The following AGRN variants were observed in gnomAD, a reference collection of about 807,000 sequenced individuals.
AGRN encodes agrin.
A neutral mutation model predicts 211.0 loss-of-function variants in AGRN; 106 were observed. The ratio of observed to expected loss-of-function variants is 0.50; its 90% CI spans 0.43 to 0.59. The LOEUF (loss-of-function observed/expected upper bound fraction) is 0.59, where lower values mean the gene tolerates loss of function less well. Among genes scored for constraint, AGRN ranks in the 20% least tolerant of loss-of-function variants. AGRN has a pLI of 0.00. For synonymous variants in AGRN, 1,525 were observed against 1,332.5 expected (o/e 1.14, Z -3.15); for missense variants, 3,040 against 2,982.6 (o/e 1.02, Z -0.45).
intron 32 of AGRN, 26 bp downstream of exon 32, chr1:1,051,671 G>A (rs369070661): frequency 3.3e-5 from 53 of 1,612,784 alleles, no homozygotes; most frequent in African/African-American, 2.1e-4. Flanking sequence ...GGCAGGGGGC[G>A]GAGGCCGGAT....
rs952115362 is a variant in AGRN, at chr1:1,026,625, C to T, written c.463+4163C>T. Among the ~76,000 whole-genome samples the T allele has an allele frequency of 9.9e-5, 15 of 152,208 alleles. No individual in the cohort carries two copies. In the South Asian group the frequency reaches 2.1e-3, roughly 21 times the overall value. ...ACCAGCGGCCTGGGTGGGGCAGGAA[C>T]GGACCCCCTCCCTGCAGTCCTGGTT... On this transcript the variant is annotated intron_variant, in intron 2 of 35. Coordinates refer to ENST00000379370, the MANE Select transcript of AGRN (RefSeq NM_198576.4).
rs2100677123 is a variant in AGRN, at chr1:1,049,505, T to C, written c.4514+54T>C. ...CGACCCCGGCCCTTTGGGGTCCCGG[T>C]GTACGAGGTGGCTTTGCCTGTGGCC... On this transcript the variant is annotated intron_variant, in intron 25 of 35. Coordinates refer to ENST00000379370, the MANE Select transcript of AGRN (RefSeq NM_198576.4). 3.1e-6 allele frequency: 5 copies of C among 1,596,208 alleles called. No homozygotes were observed. In the South Asian group the frequency reaches 5.6e-5, roughly 18 times the overall value.
In AGRN at chr1:1,043,977, C is replaced by G; in HGVS notation, c.1953C>G (p.Leu651=). 6.2e-7 allele frequency: 1 copy of G among 1,606,740 alleles called. No homozygotes were observed. The highest frequency in any genetic ancestry group is 8.5e-7 in the Non-Finnish European group (1 of 1,179,014). Residue 651 remains leucine, a synonymous_variant, in exon 10 of 36, where the codon CTC becomes CTG. Transcript: ENST00000379370. ...SACELREAAC[L]QQTQIEEARA... ...GCGAGCTACGGGAAGCCGCCTGCCT[C>G]CAGCAGACACAGATCGAGGAGGCCC...
In AGRN at chr1:1,048,089, T is replaced by C. The variant is rs1345906902; in HGVS notation, c.3829T>C (p.Ser1277Pro). ...AGATARATTA[S>P]RLPSSAVTPR... The stretch of plus-strand genomic sequence containing the variant: ...AGCCACGGCCAGAGCCACCACTGCA[T>C]CGCGCCTGCCGTCCTCTGCTGTGAC... The change falls in exon 23 of 36, where the codon TCG (serine) becomes CCG (proline). Residue 1277 changes from serine (S) to proline (P), a missense_variant. This residue lies in a region of AGRN where 1,537 missense variants were observed against 1,505.0 expected (regional missense o/e 1.02). Transcript: ENST00000379370. This position sits in a 1 kb window ranked among gnomAD's most constrained non-coding sequence, Gnocchi z 5.9. 1 of 1,576,124 alleles carries C rather than the reference T, an allele frequency of 6.3e-7. No homozygotes were observed. The highest frequency in any genetic ancestry group is 1.1e-5 in the South Asian group (1 of 87,232).
rs79016973 is a variant in AGRN, at chr1:1,043,594, G to A, written c.1660G>A (p.Val554Met). The A allele has an allele frequency of 6.1e-3, 9,721 of 1,605,018 alleles. 65 individuals are homozygous for A. Among genetic ancestry groups the A allele is most frequent in the East Asian group, 0.03 (1,325 of 44,872 alleles). ...ALCEAETGRC[V>M]CPSECVALAQ... ...GTGCGAGGCCGAGACCGGGCGCTGC[G>A]TGTGCCCCTCTGAATGCGTGGCTTT... The change falls in exon 9 of 36, where the codon GTG (valine) becomes ATG (methionine). Residue 554 changes from valine (V) to methionine (M), a missense_variant. By Grantham distance (21) the Val-to-Met change is conservative. This residue lies in a region of AGRN where 1,498 missense variants were observed against 1,457.8 expected (regional missense o/e 1.03). Coordinates refer to ENST00000379370, the MANE Select transcript of AGRN (RefSeq NM_198576.4).
rs1220497232 is a variant in AGRN at position 1,054,996 on chromosome 1, C to A, written c.*15C>A. 1 of 1,547,850 alleles carries A rather than the reference C, an allele frequency of 6.5e-7. No individual in the cohort carries two copies. The highest frequency in any genetic ancestry group is 1.2e-5 in the South Asian group (1 of 84,034). On this transcript the variant is annotated 3_prime_UTR_variant, in exon 36 of 36. Transcript: ENST00000379370. Reference sequence around the variant, plus strand: ...CCACCCCATGAGCTGGCACCAGAGCCCCGCGCCCGCTGTAATTATTTTCTA... The same window carrying A: ...CCACCCCATGAGCTGGCACCAGAGCACCGCGCCCGCTGTAATTATTTTCTA...
At position 1,046,487 on chromosome 1, in the gene AGRN, C is replaced by A. The variant is rs1461219611; in HGVS notation, c.3002C>A (p.Pro1001His). Residue 1001 changes from proline to histidine, a missense_variant, in exon 18 of 36, where the codon CCC becomes CAC. Coordinates refer to ENST00000379370, the MANE Select transcript of AGRN (RefSeq NM_198576.4). Reference sequence around the variant, plus strand: ...CTGAGCCAGGCACTGCCGGCCCCCCCCGGCGCCCTCCCCCTGGCTCCCAGC... The same window carrying A: ...CTGAGCCAGGCACTGCCGGCCCCCCACGGCGCCCTCCCCCTGGCTCCCAGC... The part of the protein sequence containing the change: ...LLLSQALPAP[P>H]GALPLAPSST... 6.2e-7 allele frequency: 1 copy of A among 1,610,790 alleles called. No individual in the cohort carries two copies. The highest frequency in any genetic ancestry group is 1.7e-5 in the Admixed American group (1 of 59,884).
chr1:1,050,058 G>A lies in AGRN; in HGVS notation c.4879+21G>A, dbSNP rs555243510. 3.6e-4 allele frequency: 536 copies of A among 1,481,830 alleles called. 3 individuals are homozygous for A. The South Asian group carries it at 5.8e-3, about 16-fold the overall frequency. 91.8% of individuals were successfully genotyped at this position (1,481,830 alleles called of 1,614,324 possible). A position where few individuals can be genotyped will look rare whatever the true frequency, so the allele number is the denominator to read the frequency against. Reference sequence around the variant, plus strand: ...GACAGGTCGGGGGCGTGGGGCTCTCGGGGCAGGGGGGGGGGGGGGGTTGAA... The same window carrying A: ...GACAGGTCGGGGGCGTGGGGCTCTCAGGGCAGGGGGGGGGGGGGGGTTGAA... On this transcript the variant is annotated intron_variant, in intron 27 of 35. Transcript: ENST00000379370.
chr1:1,051,173 G>A, intron 30 of AGRN, 80 bp from the exon 31 acceptor site: 2 of 1,511,526 alleles, frequency 1.3e-6, no homozygotes, highest in South Asian at 1.2e-5. Flanking sequence ...GGCGGGTGGG[G>A]CGGGTGCGTG....
At chr1:1,035,095 T>C (rs948055891) in intron 2 of AGRN, 182 bp from the exon 3 acceptor site, 1 of 709,218 alleles carries the variant, frequency 1.4e-6, no homozygotes, top group Non-Finnish European at 2.4e-6. Context: ...AGCAGGGGCC[T>C]CTGTCTCAGA....
chr1:1,051,061 T>G lies in AGRN; in HGVS notation c.5254-192T>G, dbSNP rs1382040123. On this transcript the variant is annotated intron_variant, in intron 30 of 35. Transcript: ENST00000379370. Reference sequence around the variant, plus strand: ...CCCGCAAGGTACTGTCGGCCTCTCATCCGCTCACCGTCTCTGGCGCCTCAA... The same window carrying G: ...CCCGCAAGGTACTGTCGGCCTCTCAGCCGCTCACCGTCTCTGGCGCCTCAA... 2.6e-6 allele frequency: 4 copies of G among 1,548,560 alleles called. No homozygotes were observed. The Admixed American group carries it at 7.8e-5, about 30-fold the overall frequency.
At chr1:1,040,368 CAG>C (rs1288792062) in intron 3 of AGRN, among the ~76,000 whole-genome samples, 7 of 152,304 alleles carry the variant, frequency 4.6e-5, no homozygotes, top group African/African-American at 1.4e-4. Flanking sequence ...GTCGCAGAAA[CAG>C]AGTCGGGTGC....
In AGRN at chr1:1,051,298, G is replaced by A. The variant is rs1426112549; in HGVS notation, c.5299G>A (p.Gly1767Ser). The A allele has an allele frequency of 2.5e-6, 4 of 1,573,726 alleles. No individual in the cohort carries two copies. The highest frequency in any genetic ancestry group is 2.7e-5 in the African/African-American group (2 of 74,316). The change falls in exon 31 of 36, where the codon GGC (glycine) becomes AGC (serine). Residue 1767 changes from glycine (G) to serine (S), a missense_variant. This residue lies in a region of AGRN where 1,537 missense variants were observed against 1,505.0 expected (regional missense o/e 1.02). Transcript: ENST00000379370. The stretch of plus-strand genomic sequence containing the variant: ...CCTGAAGGAGCCGCTCTACGTAGGG[G>A]GCGCTCCCGACTTCAGCAAGCTGGC... ...LNLKEPLYVGGAPDFSKLARA... is the reference protein window; with the variant it reads ...LNLKEPLYVGSAPDFSKLARA...
Position 1,053,775 on chromosome 1 carries a change from C to T in AGRN, c.5674C>T (p.His1892Tyr), listed in dbSNP as rs201518881. 81 of 1,608,360 alleles carry T rather than the reference C, an allele frequency of 5.0e-5. No homozygotes were observed. The highest frequency in any genetic ancestry group is 3.2e-5 in the Non-Finnish European group (38 of 1,178,232). The change falls in exon 34 of 36, where the codon CAC (histidine) becomes TAC (tyrosine). Residue 1892 changes from histidine (H) to tyrosine (Y), a missense_variant. His to Tyr is a moderately conservative substitution (Grantham distance 83, BLOSUM62 2). Around this residue, in one of 3 missense-constraint regions of AGRN, gnomAD observed 1,537 missense variants for 1,505.0 expected, o/e 1.02. Coordinates refer to ENST00000379370, the MANE Select transcript of AGRN (RefSeq NM_198576.4). ...CAGCGAGAAGGCACTGCAGAGCAACCACTTTGAACTGAGCCTGCGCACTGA... is the reference window on the plus strand; with the variant it reads ...CAGCGAGAAGGCACTGCAGAGCAACTACTTTGAACTGAGCCTGCGCACTGA... ...TESEKALQSN[H>Y]FELSLRTEAT...
At chr1:1,027,832 C>T (rs1644552480) in intron 2 of AGRN, among the ~76,000 whole-genome samples, 1 of 152,184 alleles carries the variant, frequency 6.6e-6, no homozygotes, top group African/African-American at 2.4e-5. Flanking sequence ...CCCTGCCCCG[C>T]CGTTTGGCAG....
In AGRN at chr1:1,043,533, C is replaced by A; in HGVS notation, c.1604-5C>A. ...GGTCGCCTGGTGATGGAAGCTCCTCCCCAGACCGCTGCGGGCAGTGCCGCT... is the reference window on the plus strand; with the variant it reads ...GGTCGCCTGGTGATGGAAGCTCCTCACCAGACCGCTGCGGGCAGTGCCGCT... On this transcript the variant is annotated splice_polypyrimidine_tract_variant and splice_region_variant and intron_variant, in intron 8 of 35. Transcript: ENST00000379370. 1 of 1,603,438 alleles carries A rather than the reference C, an allele frequency of 6.2e-7. No homozygotes were observed. The highest frequency in any genetic ancestry group is 8.5e-7 in the Non-Finnish European group (1 of 1,179,806).
rs1198857922 is a variant in AGRN at position 1,055,348 on chromosome 1, T to C, written c.*367T>C. On this transcript the variant is annotated 3_prime_UTR_variant, in exon 36 of 36. Transcript: ENST00000379370. ...AGAGGAAGGGGCTGCTGAGGTCTGA[T>C]GGGGCCCTTCCTCCGGGTGACCCCA... The C allele has an allele frequency of 2.7e-6, 1 of 371,590 alleles. No individual in the cohort carries two copies. Among genetic ancestry groups the C allele is most frequent in the Non-Finnish European group, 5.2e-6 (1 of 191,248 alleles). 23.0% of individuals were successfully genotyped at this position (371,590 alleles called of 1,614,324 possible).
chr1:1,026,152 C>G (rs1644516935), intron 2 of AGRN, among the ~76,000 whole-genome samples: 1 of 152,156 alleles, frequency 6.6e-6, no homozygotes, highest in Non-Finnish European at 1.5e-5. Flanking sequence ...CACTCCCCAC[C>G]CAGAGAACAG....
Position 1,047,677 on chromosome 1 carries a change from C to T in AGRN, c.3621C>T (p.His1207=), listed in dbSNP as rs1292754405. 2.5e-6 allele frequency: 4 copies of T among 1,613,124 alleles called. No homozygotes were observed. The highest frequency in any genetic ancestry group is 3.4e-6 in the Non-Finnish European group (4 of 1,180,028). The change falls in exon 21 of 36, where the codon CAC becomes CAT. Residue 1207 remains histidine, a synonymous_variant. Transcript: ENST00000379370. ...CCGTCCGCGCCATTGTGGATGTGCA[C>T]TTTGACCCCAGTGAGACCTGCACCC... ...GKSVRAIVDV[H]FDPTTAFRAP...
Sources: gnomAD v4.1 joint callset for allele counts (sites outside exome capture counted in the v4.1 genomes callset) on GRCh38, gnomAD v4.1.1 for gene constraint, gnomAD v4.1.1 regional missense constraint, Gnocchi (gnomAD v3.1) non-coding constraint, MANE v1.5 for transcripts, NCBI Gene and HGNC (gene_info 2026-07-23, HGNC 2026-07-21) for gene names.